TMEM106B: variants seen among roughly 807,000 people sequenced by gnomAD.
TMEM106B encodes the protein transmembrane protein 106B.
Under a neutral mutation model 31.1 loss-of-function variants are expected in TMEM106B, and 15 were observed. The ratio of observed to expected loss-of-function variants is 0.48; its 90% confidence interval spans 0.32 to 0.74. The LOEUF (loss-of-function observed/expected upper bound fraction) is 0.74, where lower values mean the gene tolerates loss of function less well. TMEM106B is among the 30% of genes least tolerant of loss of function. TMEM106B has a pLI of 0.03. For synonymous variants in TMEM106B, 126 were observed against 112.5 expected, an observed-to-expected ratio of 1.12 and a Z score of -0.76; for missense variants, 283 against 327.3, an observed-to-expected ratio of 0.86 and a Z score of 1.04.
intron 4 of TMEM106B, among the ~76,000 whole-genome samples, chr7:12,225,718 TTTGA>T (rs1279893646): frequency 6.6e-6 from 1 of 151,664 alleles, no homozygotes; most frequent in African/African-American, 2.4e-5. Context: ...GATGGGGTTG[TTTGA>T]TTTTTTTAAG....
chr7:12,230,446 C>T lies in TMEM106B; in HGVS notation c.632+8C>T. ...GGAAATGAGTTATATGTAGTAAGTTCTGATTTATAATAACTTTTTATTGTC... is the reference window on the plus strand; with the variant it reads ...GGAAATGAGTTATATGTAGTAAGTTTTGATTTATAATAACTTTTTATTGTC... On this transcript the variant is annotated splice_region_variant and intron_variant, in intron 6 of 7. Coordinates refer to ENST00000396668, the MANE Select transcript of TMEM106B (RefSeq NM_001134232.2). The T allele has an allele frequency of 2.6e-6, 4 of 1,532,812 alleles. No individual in the cohort carries two copies. Among genetic ancestry groups the T allele is most frequent in the Non-Finnish European group, 3.6e-6 (4 of 1,114,132 alleles). The allele number at this position is 1,532,812 out of a possible 1,614,324, so 95.0% of individuals were successfully genotyped here. A position where few individuals can be genotyped will look rare whatever the true frequency, so the allele number is the denominator to read the frequency against.
chr7:12,230,639 T>A, intron 6 of TMEM106B: 1 of 406,180 alleles, frequency 2.5e-6, no homozygotes, highest in Non-Finnish European at 4.3e-6. Flanking sequence ...TTTGTTTTTT[T>A]ATTTATTTTT....
In TMEM106B at chr7:12,241,514, T is replaced by C. The variant is rs1295274166; in HGVS notation, c.*9539T>C. On this transcript the variant is annotated 3_prime_UTR_variant, in exon 8 of 8. Transcript: ENST00000396668. ...GCAACATGTGCTGTTTGGTTTTCTG[T>C]TCCTGTGTGTGTTTGCTGAGAATGA... 1 of 148,626 alleles carries C rather than the reference T, an allele frequency of 6.7e-6. No homozygotes were observed. Among genetic ancestry groups the C allele is most frequent in the Non-Finnish European group, 1.5e-5 (1 of 67,830 alleles). 9.2% of individuals were successfully genotyped at this position (148,626 alleles called of 1,614,324 possible).
chr7:12,217,603 G>C (rs1023821379), intron 2 of TMEM106B, among the ~76,000 whole-genome samples: 1 of 152,160 alleles, frequency 6.6e-6, no homozygotes, highest in East Asian at 1.9e-4. Flanking sequence ...GTTTTAGCCA[G>C]ATGAATACCA....
rs1374586453 is a variant in TMEM106B at position 12,229,715 on chromosome 7, G to A, written c.478G>A (p.Val160Ile). 2 of 1,612,072 alleles carry A rather than the reference G, an allele frequency of 1.2e-6. No homozygotes were observed. The highest frequency in any genetic ancestry group is 2.7e-5 in the African/African-American group (2 of 74,882). ...LNITNNNYYS[V>I]EVENITAQVQ... Reference sequence around the variant, plus strand: ...TATAACAAACAATAACTATTACTCTGTCGAAGTTGAAAACATCACTGCCCA... The same window carrying A: ...TATAACAAACAATAACTATTACTCTATCGAAGTTGAAAACATCACTGCCCA... Residue 160 changes from valine (V) to isoleucine (I), a missense_variant, in exon 5 of 8, where the codon GTC becomes ATC. Val to Ile is a conservative substitution (Grantham distance 29, BLOSUM62 3). Transcript: ENST00000396668.
intron 3 of TMEM106B, among the ~76,000 whole-genome samples, chr7:12,223,329 A>C (rs1781824172): frequency 7.2e-6 from 1 of 139,018 alleles, no homozygotes; most frequent in East Asian, 2.2e-4. Flanking sequence ...TTGATGAGCC[A>C]TGTGGTTGTG....
chr7:12,223,848 G>A (rs1323338918), intron 3 of TMEM106B, among the ~76,000 whole-genome samples: 1 of 151,562 alleles, frequency 6.6e-6, no homozygotes, highest in Non-Finnish European at 1.5e-5. Flanking sequence ...AGCCTCCTGA[G>A]TAGCTGGGAT....
In TMEM106B at chr7:12,239,626, C is replaced by T. The variant is rs1469597540; in HGVS notation, c.*7651C>T. 2 of 152,074 alleles carry T rather than the reference C, an allele frequency of 1.3e-5. No homozygotes were observed. The highest frequency in any genetic ancestry group is 2.9e-5 in the Non-Finnish European group (2 of 68,014). 9.4% of individuals were successfully genotyped at this position (152,074 alleles called of 1,614,324 possible). On this transcript the variant is annotated 3_prime_UTR_variant, in exon 8 of 8. Coordinates refer to ENST00000396668, the MANE Select transcript of TMEM106B (RefSeq NM_001134232.2). Reference sequence around the variant, plus strand: ...GAGAGATATGTGACTCTTCCTTTTACTTGAACAGTTAGAGGCTATTGTAGG... The same window carrying T: ...GAGAGATATGTGACTCTTCCTTTTATTTGAACAGTTAGAGGCTATTGTAGG...
chr7:12,226,759 G>A (rs1435669413), intron 4 of TMEM106B, among the ~76,000 whole-genome samples: 4 of 151,964 alleles, frequency 2.6e-5, no homozygotes, highest in Non-Finnish European at 5.9e-5. Context: ...CGGTTTAAGG[G>A]CTTTTTCTTT....
chr7:12,234,488 T>G lies in TMEM106B; in HGVS notation c.*2513T>G, dbSNP rs1433661224. 1 of 151,846 alleles carries G rather than the reference T, an allele frequency of 6.6e-6. No homozygotes were observed. Among genetic ancestry groups the G allele is most frequent in the Non-Finnish European group, 1.5e-5 (1 of 67,768 alleles). 9.4% of individuals were successfully genotyped at this position (151,846 alleles called of 1,614,324 possible). A position where few individuals can be genotyped will look rare whatever the true frequency, so the allele number is the denominator to read the frequency against. On this transcript the variant is annotated 3_prime_UTR_variant, in exon 8 of 8. Coordinates refer to ENST00000396668, the MANE Select transcript of TMEM106B (RefSeq NM_001134232.2). ...AAAACAGGCTGTAAATTAATAAAAC[T>G]ACAAACACACATTCAGGTGAAGCAG...
At chr7:12,228,167 A>G (rs980857989) in intron 4 of TMEM106B, among the ~76,000 whole-genome samples, 6 of 151,860 alleles carry the variant, frequency 4.0e-5, no homozygotes, top group African/African-American at 1.4e-4. Context: ...ATTTCTTTAC[A>G]TTTGTGACTA....
chr7:12,220,751 C>G (rs1048947594), intron 3 of TMEM106B, among the ~76,000 whole-genome samples: 4 of 152,074 alleles, frequency 2.6e-5, no homozygotes, highest in Non-Finnish European at 5.9e-5. Context: ...AAAATTTATT[C>G]TCAGGATAGT....
At position 12,242,145 on chromosome 7, in the gene TMEM106B, G is replaced by A. The variant is rs1309493419; in HGVS notation, c.*10170G>A. 2.1e-4 allele frequency: 8 copies of A among 38,810 alleles called. 3 individuals are homozygous for A. The highest frequency in any genetic ancestry group is 2.9e-3 in the East Asian group (2 of 678). The allele number at this position is 38,810 out of a possible 1,614,324, so 2.4% of individuals were successfully genotyped here. ...TCCCAGCACTTTGGGAGGCCGAGGC[G>A]GGTGGATCATGAGGTCAAGAGATCG... On this transcript the variant is annotated 3_prime_UTR_variant, in exon 8 of 8. Coordinates refer to ENST00000396668, the MANE Select transcript of TMEM106B (RefSeq NM_001134232.2).
Position 12,224,338 on chromosome 7 carries a change from T to A in TMEM106B, c.394T>A (p.Tyr132Asn), listed in dbSNP as rs139421888. ...DVKYIGVKSA[Y>N]VSYDVQKRTI... is the part of the protein sequence containing the mutation. ...GAAATACATTGGTGTAAAATCAGCC[T>A]ATGTCAGTTATGATGTTCAGAAGCG... The change falls in exon 4 of 8, where the codon TAT (tyrosine) becomes AAT (asparagine). Residue 132 changes from tyrosine to asparagine, a missense_variant. By Grantham distance (143) the Tyr-to-Asn change is moderately radical. Around this residue, in one of 3 missense-constraint regions of TMEM106B, gnomAD observed 201 missense variants for 211.5 expected, o/e 0.95. Transcript: ENST00000396668. 2 of 1,613,804 alleles carry A rather than the reference T, an allele frequency of 1.2e-6. No individual in the cohort carries two copies. The highest frequency in any genetic ancestry group is 1.7e-6 in the Non-Finnish European group (2 of 1,179,816).
At chr7:12,230,362 T>C in intron 5 of TMEM106B, 27 bp from the exon 6 acceptor site, 1 of 1,542,350 alleles carries the variant, frequency 6.5e-7, no homozygotes, top group Non-Finnish European at 9.0e-7. Flanking sequence ...TCTTGTTCTC[T>C]ATCGAATTTC....
At chr7:12,227,186 CA>C (rs1408224288) in intron 4 of TMEM106B, among the ~76,000 whole-genome samples, 1 of 151,874 alleles carries the variant, frequency 6.6e-6, no homozygotes, top group East Asian at 1.9e-4. Context: ...AACTAGATGA[CA>C]ATGAGATAAG....
intron 3 of TMEM106B, among the ~76,000 whole-genome samples, chr7:12,221,694 A>G (rs1005378298): frequency 3.3e-5 from 5 of 152,228 alleles, no homozygotes; most frequent in African/African-American, 1.2e-4. Flanking sequence ...TCCAGCCTGC[A>G]GCACAAGGAA....
intron 7 of TMEM106B, chr7:12,231,427 A>G: frequency 3.6e-6 from 1 of 278,708 alleles, no homozygotes; most frequent in Non-Finnish European, 6.6e-6. Flanking sequence ...TAACAGTAAT[A>G]AGAATATTAT....
At chr7:12,220,721 G>A (rs1156292595) in intron 3 of TMEM106B, among the ~76,000 whole-genome samples, 1 of 152,060 alleles carries the variant, frequency 6.6e-6, no homozygotes, top group East Asian at 1.9e-4. Flanking sequence ...TTACTTTTTG[G>A]CTCAGAAATC....
Sources: allele counts gnomAD v4.1 joint callset (sites outside exome capture counted in the v4.1 genomes callset), GRCh38; gene constraint gnomAD v4.1.1; regional missense constraint gnomAD v4.1.1; transcripts MANE v1.5; gene names NCBI Gene and HGNC (gene_info 2026-07-23, HGNC 2026-07-21).